RWDD2B: variants seen among roughly 807,000 people sequenced by gnomAD.
The protein encoded by RWDD2B is RWD domain-containing protein 2B.
A neutral mutation model predicts 33.6 loss-of-function variants in RWDD2B; 36 were observed. That is an observed-to-expected ratio of 1.07 (90% CI 0.82 to 1.42). The LOEUF is 1.42. Among genes scored for constraint, RWDD2B ranks in the 40% most tolerant of loss-of-function variants. The pLI is 0.00. For missense variants in RWDD2B, 364 were observed against 377.5 expected (o/e 0.96, Z 0.30); for synonymous variants, 126 against 133.1 (o/e 0.95, Z 0.37).
In RWDD2B at chr21:29,004,684, C is replaced by T. The variant is rs62224022; in HGVS notation, c.*1733G>A. The T allele has an allele frequency of 0.039, 5,985 of 152,214 alleles. 133 individuals carry two copies. Among genetic ancestry groups the T allele is most frequent in the Middle Eastern group, 0.12 (35 of 294 alleles). 9.4% of individuals were successfully genotyped at this position (152,214 alleles called of 1,614,324 possible). On this transcript the variant is annotated 3_prime_UTR_variant, in exon 5 of 5. Coordinates refer to ENST00000493196, the MANE Select transcript of RWDD2B (RefSeq NM_016940.3). ...GGGATTTCCAGGGCAACTGACGGGG[C>T]GATAGGACAGGGCAGCAGGGAGGAA...
chr21:29,012,184 C>CCT (rs1279946528), intron 1 of RWDD2B, among the ~76,000 whole-genome samples: 1 of 132,910 alleles, frequency 7.5e-6, no homozygotes, highest in Non-Finnish European at 1.6e-5. Context: ...TCAGCCCCCC[C>CCT]CCGGGAGGTG....
intron 1 of RWDD2B, among the ~76,000 whole-genome samples, chr21:29,016,655 G>A (rs182793849): frequency 1.3e-5 from 2 of 152,162 alleles, no homozygotes; most frequent in Admixed American, 1.3e-4. Context: ...TTTTGGAGTT[G>A]AGAAACATAA....
In RWDD2B at chr21:29,007,950, G is replaced by A; in HGVS notation, c.536C>T (p.Thr179Ile). The A allele has an allele frequency of 6.2e-7, 1 of 1,614,202 alleles. No individual in the cohort carries two copies. Among genetic ancestry groups the A allele is most frequent in the South Asian group, 1.1e-5 (1 of 91,070 alleles). ...DTSSSPTTGS[T>I]VQSVDLIFTR... ...GAAGATGAGGTCAACTGACTGGACT[G>A]TGCTTCCTGTGGTGGGTGAAGATGA... The change falls in exon 4 of 5, where the codon ACA (threonine) becomes ATA (isoleucine). Residue 179 changes from threonine to isoleucine, a missense_variant. Coordinates refer to ENST00000493196, the MANE Select transcript of RWDD2B (RefSeq NM_016940.3).
intron 1 of RWDD2B, 62 bp downstream of exon 1, chr21:29,019,149 G>A: frequency 2.2e-6 from 3 of 1,361,704 alleles, no homozygotes; most frequent in Admixed American, 2.0e-5. Flanking sequence ...GTTGCACTGG[G>A]CGCTGCAGCG....
At chr21:29,007,472 G>A (rs748156876) in intron 4 of RWDD2B, among the ~76,000 whole-genome samples, 13 of 152,148 alleles carry the variant, frequency 8.5e-5, no homozygotes, top group South Asian at 2.1e-4. Flanking sequence ...GTACCACCAC[G>A]ACAGAGTGTA....
chr21:29,012,770 TAA>T (rs67224905), intron 1 of RWDD2B, among the ~76,000 whole-genome samples: 20 of 147,942 alleles, frequency 1.4e-4, no homozygotes, highest in African/African-American at 1.5e-4. Context: ...AATGATCAAT[TAA>T]AAAAAAAAAA....
intron 1 of RWDD2B, among the ~76,000 whole-genome samples, chr21:29,015,068 A>G (rs929439386): frequency 6.6e-6 from 1 of 152,042 alleles, no homozygotes; most frequent in Non-Finnish European, 1.5e-5. Flanking sequence ...ACTTTCAACA[A>G]TTGAAAAATG....
rs1381282514 is a variant in RWDD2B at position 29,019,235 on chromosome 21, T to C, written c.43A>G (p.Ser15Gly). ...LSMQPWNPGY[S>G]SEGATAQETY... ...CCTTGAGCCGTGGCCCCCTCACTGCTGTAACCCGGGTTCCATGGCTGCATG... is the reference window on the plus strand; with the variant it reads ...CCTTGAGCCGTGGCCCCCTCACTGCCGTAACCCGGGTTCCATGGCTGCATG... Residue 15 changes from serine to glycine, a missense_variant, in exon 1 of 5, where the codon AGC becomes GGC. Coordinates refer to ENST00000493196, the MANE Select transcript of RWDD2B (RefSeq NM_016940.3). 6.2e-7 allele frequency: 1 copy of C among 1,605,630 alleles called. No individual in the cohort carries two copies. Among genetic ancestry groups the C allele is most frequent in the Non-Finnish European group, 8.5e-7 (1 of 1,176,924 alleles).
chr21:29,018,372 CAGTT>C (rs2084899964), intron 1 of RWDD2B, among the ~76,000 whole-genome samples: 1 of 152,152 alleles, frequency 6.6e-6, no homozygotes, highest in African/African-American at 2.4e-5. Context: ...GTCTAGCAGG[CAGTT>C]AGATGTATAG....
chr21:29,013,494 C>T (rs555746449), intron 1 of RWDD2B, among the ~76,000 whole-genome samples: 2 of 151,858 alleles, frequency 1.3e-5, no homozygotes, highest in Admixed American at 6.6e-5. Flanking sequence ...TCCAGACCAT[C>T]CTGGCTAACA....
intron 1 of RWDD2B, 56 bp downstream of exon 1, chr21:29,019,155 C>A: frequency 7.0e-7 from 1 of 1,418,510 alleles, no homozygotes; most frequent in Non-Finnish European, 9.7e-7. Context: ...CTGGGCGCTG[C>A]AGCGTGGGAA....
chr21:29,007,885 A>C lies in RWDD2B; in HGVS notation c.601T>G (p.Cys201Gly), dbSNP rs762867527. Residue 201 changes from cysteine to glycine, a missense_variant, in exon 4 of 5, where the codon TGC (cysteine) becomes GGC (glycine). By Grantham distance (159) the Cys-to-Gly change is radical. Coordinates refer to ENST00000493196, the MANE Select transcript of RWDD2B (RefSeq NM_016940.3). ...WIYSHHIYNK[C>G]KRKNILEWAK... ...CACTCTAGAATATTCTTTCTTTTGC[A>C]TTTGTTATAGATATGATGGCTGTAG... is the stretch of plus-strand genomic sequence containing the variant. 6.2e-7 allele frequency: 1 copy of C among 1,614,124 alleles called. No homozygotes were observed. The highest frequency in any genetic ancestry group is 8.5e-7 in the Non-Finnish European group (1 of 1,180,044).
Position 29,017,716 on chromosome 21 carries a change from G to A in RWDD2B, c.67+1495C>T, listed in dbSNP as rs142695615. ...ACAATGAGGCAGCAGGGGTGAGACT[G>A]CACACAGCATTGTCAGGAAAGGCCT... is the stretch of plus-strand genomic sequence containing the variant. On this transcript the variant is annotated intron_variant, in intron 1 of 4. Coordinates refer to ENST00000493196, the MANE Select transcript of RWDD2B (RefSeq NM_016940.3). 9.2e-5 allele frequency among the ~76,000 whole-genome samples: 14 copies of A among 152,318 alleles called. 2 individuals carry two copies. Among genetic ancestry groups the A allele is most frequent in the African/African-American group, 2.4e-4 (10 of 41,578 alleles).
intron 1 of RWDD2B, among the ~76,000 whole-genome samples, chr21:29,018,267 G>A (rs2084899418): frequency 6.6e-6 from 1 of 152,192 alleles, no homozygotes. Flanking sequence ...GTATGGATCT[G>A]CCATTTATTT....
intron 1 of RWDD2B, 111 bp downstream of exon 1, chr21:29,019,100 G>A (rs1322371698): frequency 2.3e-6 from 2 of 868,194 alleles, no homozygotes; most frequent in Admixed American, 2.3e-5. Flanking sequence ...CATGCAGTGA[G>A]GGGAACCGGG....
At chr21:29,016,649 G>A (rs943277996) in intron 1 of RWDD2B, among the ~76,000 whole-genome samples, 2 of 151,972 alleles carry the variant, frequency 1.3e-5, no homozygotes, top group Admixed American at 6.6e-5. Flanking sequence ...GGTCTGTTTT[G>A]GAGTTGAGAA....
rs947325771 is a variant in RWDD2B, at chr21:29,019,315, A to C, written c.-38T>G. 10 of 1,485,052 alleles carry C rather than the reference A, an allele frequency of 6.7e-6. No individual in the cohort carries two copies. The highest frequency in any genetic ancestry group is 1.9e-5 in the Admixed American group (1 of 52,264). 92.0% of individuals were successfully genotyped at this position (1,485,052 alleles called of 1,614,324 possible). ...TCAAAATTCTAGCATACTGCGACCC[A>C]AAACTTACAAACCGCCTCAGCTGGC... On this transcript the variant is annotated 5_prime_UTR_variant, in exon 1 of 5. Transcript: ENST00000493196.
At chr21:29,013,942 C>T (rs190678636) in intron 1 of RWDD2B, among the ~76,000 whole-genome samples, 1 of 152,222 alleles carries the variant, frequency 6.6e-6, no homozygotes, top group Admixed American at 6.5e-5. Context: ...TTCTCAAATT[C>T]TTAGGATGTT....
At chr21:29,009,069 CTTTT>C (rs776541000) in intron 1 of RWDD2B, among the ~76,000 whole-genome samples, 1 of 152,148 alleles carries the variant, frequency 6.6e-6, no homozygotes, top group Non-Finnish European at 1.5e-5. Context: ...TCAATTTCTT[CTTTT>C]TAAGTAAATA....
Sources: allele counts gnomAD v4.1 joint callset (sites outside exome capture counted in the v4.1 genomes callset), GRCh38; gene constraint gnomAD v4.1.1; transcripts MANE v1.5; gene names NCBI Gene and HGNC (gene_info 2026-07-23, HGNC 2026-07-21).